The following CADPS2 variants were observed in gnomAD, a reference collection of about 807,000 sequenced individuals.
The protein encoded by CADPS2 is calcium dependent secretion activator 2, also known as calcium-dependent secretion activator 2.
Under a neutral mutation model 172.5 loss-of-function variants are expected in CADPS2, and 93 were observed. That is an observed-to-expected ratio of 0.54 (90% confidence interval 0.46 to 0.64). The LOEUF (loss-of-function observed/expected upper bound fraction) is 0.64. CADPS2 is among the 30% of genes least tolerant of loss of function. The pLI is 0.00. For synonymous variants in CADPS2, 546 were observed against 555.2 expected (o/e 0.98, Z 0.23); for missense variants, 1,420 against 1,565.9 (o/e 0.91, Z 1.57).
At chr7:122,751,498 C>T (rs946328606) in intron 1 of CADPS2, among the ~76,000 whole-genome samples, 3 of 152,140 alleles carry the variant, frequency 2.0e-5, no homozygotes, top group Non-Finnish European at 4.4e-5. Context: ...ACACAACCTC[C>T]CTGAATCTTG....
chr7:122,733,505 G>A (rs1296281238), intron 2 of CADPS2, among the ~76,000 whole-genome samples: 1 of 151,314 alleles, frequency 6.6e-6, no homozygotes, highest in Non-Finnish European at 1.5e-5. Flanking sequence ...TCAAGGCTGT[G>A]AACAAATGTG....
At chr7:122,601,133 C>G (rs1337521101) in intron 6 of CADPS2, among the ~76,000 whole-genome samples, 1 of 120,460 alleles carries the variant, frequency 8.3e-6, no homozygotes, top group African/African-American at 4.2e-5. Flanking sequence ...TAATAAAGGG[C>G]ATAAAAGATT....
At chr7:122,626,799 G>A (rs542235124) in intron 4 of CADPS2, among the ~76,000 whole-genome samples, 1 of 152,276 alleles carries the variant, frequency 6.6e-6, no homozygotes, top group South Asian at 2.1e-4. Flanking sequence ...GAAAAAATGA[G>A]GCTCGAAAGT....
intron 24 of CADPS2, among the ~76,000 whole-genome samples, chr7:122,382,812 A>G (rs2043182235): frequency 6.6e-6 from 1 of 152,072 alleles, no homozygotes. Flanking sequence ...AGGAGACAAA[A>G]AAAGAAAAAA....
At chr7:122,856,208 G>A (rs572925500) in intron 1 of CADPS2, among the ~76,000 whole-genome samples, 2 of 152,268 alleles carry the variant, frequency 1.3e-5, no homozygotes, top group African/African-American at 4.8e-5. Context: ...AAGCCCAGTG[G>A]TTTAAGTTAC....
intron 27 of CADPS2, among the ~76,000 whole-genome samples, chr7:122,359,692 G>A (rs1490814394): frequency 6.6e-6 from 1 of 151,962 alleles, no homozygotes; most frequent in African/African-American, 2.4e-5. Context: ...CTCTACATAT[G>A]TGATTTTTTT....
chr7:122,698,585 A>T lies in CADPS2; in HGVS notation c.454-35016T>A, dbSNP rs369124530. 23 of 1,613,938 alleles carry T rather than the reference A, an allele frequency of 1.4e-5. No individual in the cohort carries two copies. The highest frequency in any genetic ancestry group is 2.2e-5 in the East Asian group (1 of 44,888). The stretch of plus-strand genomic sequence containing the variant: ...GTTGCCACTTTAATTTTCTGTGTGA[A>T]GGTACAACCTCCCCGTTCAATAAGT... On this transcript the variant is annotated intron_variant, in intron 2 of 29. Transcript: ENST00000449022.
intron 9 of CADPS2, among the ~76,000 whole-genome samples, chr7:122,503,592 T>C (rs1197167747): frequency 1.3e-5 from 2 of 152,194 alleles, no homozygotes; most frequent in Non-Finnish European, 2.9e-5. Context: ...CCTTTCTTGA[T>C]GTCTTTTGAG....
At chr7:122,583,672 CGT>C (rs990167920) in intron 6 of CADPS2, among the ~76,000 whole-genome samples, 1 of 150,678 alleles carries the variant, frequency 6.6e-6, no homozygotes, top group African/African-American at 2.4e-5. Flanking sequence ...AGATATTGTA[CGT>C]GTGTATATAC....
At chr7:122,735,437 A>C (rs1173957977) in intron 2 of CADPS2, among the ~76,000 whole-genome samples, 1 of 152,140 alleles carries the variant, frequency 6.6e-6, no homozygotes, top group Non-Finnish European at 1.5e-5. Flanking sequence ...CATGTAGAAC[A>C]CAATGGGGAT....
intron 8 of CADPS2, among the ~76,000 whole-genome samples, chr7:122,522,848 T>C (rs1042644035): frequency 1.3e-5 from 2 of 152,112 alleles, no homozygotes; most frequent in African/African-American, 4.8e-5. Context: ...GCCTGGCTTA[T>C]TTCACTTTAT....
At chr7:122,749,759 C>T (rs1293937546) in intron 1 of CADPS2, among the ~76,000 whole-genome samples, 2 of 151,812 alleles carry the variant, frequency 1.3e-5, no homozygotes, top group Non-Finnish European at 2.9e-5. Context: ...AACAAATTTA[C>T]ATTAGCAAAT....
chr7:122,697,918 T>C, intron 2 of CADPS2: 3 of 1,614,022 alleles, frequency 1.9e-6, no homozygotes, highest in South Asian at 1.1e-5. Flanking sequence ...ATTTGTCTCC[T>C]CTTCACTAGG....
At chr7:122,617,461 T>A (rs980260698) in intron 5 of CADPS2, among the ~76,000 whole-genome samples, 3 of 152,174 alleles carry the variant, frequency 2.0e-5, no homozygotes, top group Admixed American at 6.5e-5. Context: ...GAAGCTAAAC[T>A]GACCTATTTT....
At chr7:122,670,034 CCT>C (rs1213100953) in intron 2 of CADPS2, among the ~76,000 whole-genome samples, 1 of 151,864 alleles carries the variant, frequency 6.6e-6, no homozygotes, top group Non-Finnish European at 1.5e-5. Flanking sequence ...CCCTTCTTCA[CCT>C]CTCTATCTCC....
At chr7:122,699,300 T>C (rs750661737) in intron 2 of CADPS2, 26 of 167,952 alleles carry the variant, frequency 1.5e-4, no homozygotes, top group Non-Finnish European at 2.7e-4. Flanking sequence ...CTGAGCTACA[T>C]ATAATGGTAG....
intron 29 of CADPS2, 140 bp downstream of exon 29, chr7:122,325,337 G>A (rs1233353551): frequency 1.9e-5 from 10 of 529,768 alleles, no homozygotes; most frequent in South Asian, 1.8e-4. Flanking sequence ...CTAACTAAAC[G>A]TGGAAGTAAA....
chr7:122,616,829 T>C (rs1346923801), intron 5 of CADPS2, among the ~76,000 whole-genome samples: 1 of 152,136 alleles, frequency 6.6e-6, no homozygotes, highest in African/African-American at 2.4e-5. Context: ...TGGAAATTTG[T>C]TAGATTCTTA....
At chr7:122,861,753 A>G (rs1188416479) in intron 1 of CADPS2, among the ~76,000 whole-genome samples, 1 of 152,262 alleles carries the variant, frequency 6.6e-6, no homozygotes, top group Non-Finnish European at 1.5e-5. Context: ...ATTACGCACT[A>G]TGCGTATATA....
Sources: gnomAD v4.1 joint callset for allele counts (sites outside exome capture counted in the v4.1 genomes callset) on GRCh38, gnomAD v4.1.1 for gene constraint, MANE v1.5 for transcripts, NCBI Gene and HGNC (gene_info 2026-07-23, HGNC 2026-07-21) for gene names.